The following ARID2 variants were observed in gnomAD, a reference collection of about 807,000 sequenced individuals.
ARID2 encodes AT-rich interaction domain 2.
A neutral mutation model predicts 184.6 loss-of-function variants in ARID2; 32 were observed. That is an observed-to-expected ratio of 0.17 (90% CI 0.13 to 0.23). ARID2 has a LOEUF of 0.23. ARID2 is among the 10% of genes least tolerant of loss of function. The probability of loss-of-function intolerance (pLI) is 1.00; values close to 1 mark genes in which losing one functional copy is unlikely to be tolerated. For synonymous variants in ARID2, 836 were observed against 772.6 expected (o/e 1.08, Z -1.36); for missense variants, 1,696 against 2,197.6 (o/e 0.77, Z 4.56).
At chr12:45,796,208 A>G (rs987257108) in intron 3 of ARID2, among the ~76,000 whole-genome samples, 3 of 152,054 alleles carry the variant, frequency 2.0e-5, no homozygotes, top group East Asian at 3.8e-4. Flanking sequence ...TTTTACATAT[A>G]TTCACTTACA....
At chr12:45,893,386 A>G in intron 18 of ARID2, 34 bp from the exon 19 acceptor site, 1 of 1,572,132 alleles carries the variant, frequency 6.4e-7, no homozygotes, top group Non-Finnish European at 8.6e-7. Context: ...TATCACGTTA[A>G]TTCTCTCTCT....
At chr12:45,817,986 C>T in intron 5 of ARID2, 98 bp downstream of exon 5, 1 of 862,478 alleles carries the variant, frequency 1.2e-6, no homozygotes, top group South Asian at 2.2e-5. Context: ...AACATAATAG[C>T]ATTCTTTATT....
At chr12:45,873,736 A>C (rs1943962626) in intron 16 of ARID2, among the ~76,000 whole-genome samples, 2 of 152,224 alleles carry the variant, frequency 1.3e-5, no homozygotes, top group Non-Finnish European at 2.9e-5. Flanking sequence ...CATTTTGTCT[A>C]AAATAAAAAG....
At chr12:45,845,277 T>G (rs971647725) in intron 11 of ARID2, among the ~76,000 whole-genome samples, 6 of 152,184 alleles carry the variant, frequency 3.9e-5, no homozygotes, top group Non-Finnish European at 8.8e-5. Flanking sequence ...CTACACAGTT[T>G]CAGGCCCTAG....
At chr12:45,892,129 T>C (rs1156488927) in intron 18 of ARID2, 33 bp downstream of exon 18, 4 of 1,590,218 alleles carry the variant, frequency 2.5e-6, no homozygotes, top group African/African-American at 2.7e-5. Flanking sequence ...CTGTTGTACA[T>C]ACAAAAAGAA....
chr12:45,816,642 T>G (rs1009007216), intron 4 of ARID2, among the ~76,000 whole-genome samples: 1 of 152,222 alleles, frequency 6.6e-6, no homozygotes, highest in Admixed American at 6.5e-5. Context: ...CGAGATTTAT[T>G]AGTACTCACC....
intron 16 of ARID2, among the ~76,000 whole-genome samples, chr12:45,884,536 TA>T (rs1222315996): frequency 6.6e-6 from 1 of 152,220 alleles, no homozygotes; most frequent in African/African-American, 2.4e-5. Context: ...AAAAACATTT[TA>T]AAACAAAGTC....
chr12:45,859,264 AC>A (rs1379317424), intron 15 of ARID2, among the ~76,000 whole-genome samples: 1 of 152,224 alleles, frequency 6.6e-6, no homozygotes, highest in Non-Finnish European at 1.5e-5. Context: ...CCATTGTGTT[AC>A]GGTTGCCTAT....
At chr12:45,827,537 A>G (rs1943025994) in intron 6 of ARID2, among the ~76,000 whole-genome samples, 1 of 152,174 alleles carries the variant, frequency 6.6e-6, no homozygotes, top group African/African-American at 2.4e-5. Flanking sequence ...AACAGACAAT[A>G]AAAGTAAACA....
rs749494879 is a variant in ARID2 at position 45,851,596 on chromosome 12, A to G, written c.3473A>G (p.Asn1158Ser). 2 of 1,614,162 alleles carry G rather than the reference A, an allele frequency of 1.2e-6. No individual in the cohort carries two copies. The highest frequency in any genetic ancestry group is 2.2e-5 in the South Asian group (2 of 91,082). Residue 1158 changes from asparagine to serine, a missense_variant, in exon 15 of 21, where the codon AAT becomes AGT. Physicochemically the swap from Asn to Ser is conservative, Grantham distance 46 (BLOSUM62 1). Around this residue, in one of 11 missense-constraint regions of ARID2, gnomAD observed 713 missense variants for 824.4 expected, o/e 0.86. Transcript: ENST00000334344. ...LQILPGPLIS[N>S]SPATIFQGTS... ...ATATTGCCAGGTCCACTGATCTCAAATAGCCCAGCAACCATTTTCCAAGGG... is the reference window on the plus strand; with the variant it reads ...ATATTGCCAGGTCCACTGATCTCAAGTAGCCCAGCAACCATTTTCCAAGGG...
intron 20 of ARID2, among the ~76,000 whole-genome samples, chr12:45,897,300 A>C (rs1013265089): frequency 6.6e-6 from 1 of 152,258 alleles, no homozygotes; most frequent in Non-Finnish European, 1.5e-5. Flanking sequence ...AAGAAAACAC[A>C]GGGCAAAAGC....
chr12:45,748,604 T>G (rs1941402526), intron 3 of ARID2, among the ~76,000 whole-genome samples: 1 of 152,174 alleles, frequency 6.6e-6, no homozygotes, highest in South Asian at 2.1e-4. Flanking sequence ...ACTCTTTCTT[T>G]CACGAGAGGT....
intron 11 of ARID2, among the ~76,000 whole-genome samples, chr12:45,843,434 C>T (rs1489882429): frequency 6.7e-6 from 1 of 150,188 alleles, no homozygotes. Flanking sequence ...AGTGCTATCT[C>T]AGCTCACTGC....
intron 4 of ARID2, among the ~76,000 whole-genome samples, chr12:45,814,162 C>G (rs1942762956): frequency 6.6e-6 from 1 of 152,086 alleles, no homozygotes; most frequent in African/African-American, 2.4e-5. Flanking sequence ...ATTGCATATT[C>G]TAACAAGACA....
At chr12:45,884,237 A>C (rs1944147931) in intron 16 of ARID2, among the ~76,000 whole-genome samples, 1 of 152,116 alleles carries the variant, frequency 6.6e-6, no homozygotes, top group Non-Finnish European at 1.5e-5. Flanking sequence ...CTCTACTAAA[A>C]ATACAAAAAT....
chr12:45,850,364 T>A lies in ARID2; in HGVS notation c.2241T>A (p.His747Gln), dbSNP rs145816500. The A allele has an allele frequency of 5.0e-6, 8 of 1,613,998 alleles. No homozygotes were observed. The highest frequency in any genetic ancestry group is 5.1e-6 in the Non-Finnish European group (6 of 1,180,010). ...GPPQSSVVQN[H>Q]STGPQPVTVV... Reference sequence around the variant, plus strand: ...CACAGAGTTCTGTTGTTCAGAATCATAGTACAGGGCCACAACCTGTTACAG... The same window carrying A: ...CACAGAGTTCTGTTGTTCAGAATCAAAGTACAGGGCCACAACCTGTTACAG... Residue 747 changes from histidine to glutamine, a missense_variant, in exon 15 of 21, where the codon CAT becomes CAA. His to Gln is a conservative substitution (Grantham distance 24, BLOSUM62 0). This residue lies in a region of ARID2 where 713 missense variants were observed against 824.4 expected (regional missense o/e 0.86). Coordinates refer to ENST00000334344, the MANE Select transcript of ARID2 (RefSeq NM_152641.4).
intron 16 of ARID2, among the ~76,000 whole-genome samples, chr12:45,890,146 G>A (rs545968950): frequency 9.9e-5 from 15 of 152,164 alleles, no homozygotes; most frequent in Non-Finnish European, 2.1e-4. Context: ...GTAGTAGATT[G>A]GAGAGAAAAA....
At chr12:45,750,698 AT>A (rs1941448085) in intron 3 of ARID2, among the ~76,000 whole-genome samples, 1 of 152,188 alleles carries the variant, frequency 6.6e-6, no homozygotes, top group South Asian at 2.1e-4. Context: ...GGTTGGAGAC[AT>A]TTTGGAGTTG....
rs1340927587 is a variant in ARID2, at chr12:45,851,419, A to C, written c.3296A>C (p.Tyr1099Ser). 1 of 1,614,134 alleles carries C rather than the reference A, an allele frequency of 6.2e-7. No homozygotes were observed. Among genetic ancestry groups the C allele is most frequent in the South Asian group, 1.1e-5 (1 of 91,082 alleles). Residue 1099 changes from tyrosine (Y) to serine (S), a missense_variant, in exon 15 of 21, where the codon TAT becomes TCT. Around this residue, in one of 11 missense-constraint regions of ARID2, gnomAD observed 713 missense variants for 824.4 expected, o/e 0.86. Coordinates refer to ENST00000334344, the MANE Select transcript of ARID2 (RefSeq NM_152641.4). ...AGAGCTCCTAGCCCTCAGGTGGTCT[A>C]TCAGGTGGCCAGTAACCAAGCCGCA... ...NARAPSPQVV[Y>S]QVASNQAAGF... is the part of the protein sequence containing the mutation.
Sources: allele counts gnomAD v4.1 joint callset (sites outside exome capture counted in the v4.1 genomes callset), GRCh38; gene constraint gnomAD v4.1.1; regional missense constraint gnomAD v4.1.1; transcripts MANE v1.5; gene names NCBI Gene and HGNC (gene_info 2026-07-23, HGNC 2026-07-21).